HSD17B12: variants seen among roughly 807,000 people sequenced by gnomAD.
HSD17B12 encodes very-long-chain 3-oxoacyl-CoA reductase.
HSD17B12 carries 32 observed loss-of-function variants against 39.3 expected under a neutral mutation model. That is an observed-to-expected ratio of 0.81 (90% confidence interval 0.61 to 1.09). The LOEUF is 1.09. HSD17B12 is among the 50% of genes least tolerant of loss of function. The pLI is 0.00. For synonymous variants in HSD17B12, 150 were observed against 146.7 expected, an observed-to-expected ratio of 1.02 and a Z score of -0.16; for missense variants, 342 against 382.9, an observed-to-expected ratio of 0.89 and a Z score of 0.89.
At chr11:43,778,083 G>A (rs1301398882) in intron 3 of HSD17B12, among the ~76,000 whole-genome samples, 6 of 151,930 alleles carry the variant, frequency 3.9e-5, no homozygotes, top group African/African-American at 7.3e-5. Flanking sequence ...TTGATAAACC[G>A]CTAGCAAGAC....
Position 43,831,047 on chromosome 11 carries a change from A to G in HSD17B12, c.536+37A>G. On this transcript the variant is annotated intron_variant, in intron 7 of 10. Transcript: ENST00000278353. The surrounding 1 kb of genome is among the most constrained non-coding windows in gnomAD (Gnocchi z 4.1). Reference sequence around the variant, plus strand: ...GCTCACATACAAACACTGTGGAAGCAGAGCTCATGATTATTTAGAGGGAGA... The same window carrying G: ...GCTCACATACAAACACTGTGGAAGCGGAGCTCATGATTATTTAGAGGGAGA... 6.4e-7 allele frequency: 1 copy of G among 1,574,268 alleles called. No individual in the cohort carries two copies. Among genetic ancestry groups the G allele is most frequent in the Non-Finnish European group, 8.7e-7 (1 of 1,154,912 alleles).
At chr11:43,688,639 AAG>A (rs1315828658) in intron 1 of HSD17B12, among the ~76,000 whole-genome samples, 2 of 152,226 alleles carry the variant, frequency 1.3e-5, no homozygotes, top group African/African-American at 4.8e-5. Flanking sequence ...GTCATTGTGG[AAG>A]AGAGGAAGGG....
At chr11:43,584,829 CCCATCACAGAGGTTACAAGGAAGG>C in the HSD17B12 span, among the ~76,000 whole-genome samples, 1 of 152,188 alleles carries the variant, frequency 6.6e-6, no homozygotes, top group Non-Finnish European at 1.5e-5. Flanking sequence ...AAGGAAGGCA[CCCATCACAGAGGTTACAAGGAAGG>C]ACACAGTACC....
intron 4 of HSD17B12, among the ~76,000 whole-genome samples, chr11:43,810,370 TATATATA>T (rs536368982): frequency 2.7e-4 from 28 of 104,834 alleles, no homozygotes; most frequent in African/African-American, 9.0e-4. Context: ...TTAGAAATTA[TATATATA>T]TATATATATA....
chr11:43,608,918 A>G, the HSD17B12 span, among the ~76,000 whole-genome samples: 4 of 152,186 alleles, frequency 2.6e-5, no homozygotes, highest in Admixed American at 6.5e-5. Flanking sequence ...TTGAGAAAAC[A>G]TATGCACAAC....
intron 1 of HSD17B12, chr11:43,733,890 A>G: frequency 1.5e-6 from 1 of 683,014 alleles, no homozygotes; most frequent in South Asian, 1.4e-5. Flanking sequence ...AATTCCATGG[A>G]GTACAGGACA....
intron 3 of HSD17B12, among the ~76,000 whole-genome samples, chr11:43,787,834 T>C (rs1249530980): frequency 6.6e-6 from 1 of 152,094 alleles, no homozygotes; most frequent in African/African-American, 2.4e-5. Flanking sequence ...CAAAGTTCCC[T>C]TTTTAAAGAA....
At chr11:43,838,449 T>G (rs1565108014) in intron 8 of HSD17B12, 51 bp downstream of exon 8, 1 of 1,313,372 alleles carries the variant, frequency 7.6e-7, no homozygotes, top group Non-Finnish European at 1.1e-6. Context: ...GGGGTAATTT[T>G]TAGTCTGAGA....
At chr11:43,621,345 T>G in the HSD17B12 span, among the ~76,000 whole-genome samples, 2 of 152,184 alleles carry the variant, frequency 1.3e-5, no homozygotes, top group South Asian at 4.1e-4. Context: ...AAACCCATGC[T>G]GTGGTTACCA....
intron 4 of HSD17B12, among the ~76,000 whole-genome samples, chr11:43,809,222 T>G: frequency 6.6e-6 from 1 of 152,242 alleles, no homozygotes; most frequent in East Asian, 1.9e-4. Context: ...ATTAACATAT[T>G]ACTACGTCCC....
the HSD17B12 span, among the ~76,000 whole-genome samples, chr11:43,648,488 A>T: frequency 6.6e-6 from 1 of 152,132 alleles, no homozygotes; most frequent in Non-Finnish European, 1.5e-5. Context: ...GACAATGAAG[A>T]GAGATGCATG....
chr11:43,854,281 T>A (rs1951560793), intron 9 of HSD17B12: 1 of 154,952 alleles, frequency 6.5e-6, no homozygotes, highest in African/African-American at 2.4e-5. Context: ...TAGAACAAGC[T>A]TAATTAGCCA....
At chr11:43,595,800 A>G in the HSD17B12 span, among the ~76,000 whole-genome samples, 3 of 152,336 alleles carry the variant, frequency 2.0e-5, no homozygotes, top group East Asian at 5.8e-4. Flanking sequence ...TCCCCATTGT[A>G]CATGAAAACA....
chr11:43,812,320 A>G (rs1407443464), intron 4 of HSD17B12, among the ~76,000 whole-genome samples: 1 of 152,166 alleles, frequency 6.6e-6, no homozygotes, highest in Non-Finnish European at 1.5e-5. Context: ...TGGCTATACT[A>G]ATTTACATTC....
chr11:43,771,724 C>T (rs549898747), intron 3 of HSD17B12, among the ~76,000 whole-genome samples: 1 of 152,180 alleles, frequency 6.6e-6, no homozygotes, highest in East Asian at 1.9e-4. Context: ...ACCTCAGCCT[C>T]CCAAAGTGCT....
chr11:43,637,832 G>A, the HSD17B12 span, among the ~76,000 whole-genome samples: 1 of 152,166 alleles, frequency 6.6e-6, no homozygotes, highest in Non-Finnish European at 1.5e-5. Context: ...TCAATAATGT[G>A]TAAGAGAAAA....
At chr11:43,828,388 G>A (rs989777266) in intron 6 of HSD17B12, among the ~76,000 whole-genome samples, 7 of 127,296 alleles carry the variant, frequency 5.5e-5, no homozygotes, top group African/African-American at 1.5e-4. Context: ...GTGATCCGCC[G>A]CCTCGGCCTC....
intron 4 of HSD17B12, among the ~76,000 whole-genome samples, chr11:43,807,460 G>A (rs928866189): frequency 6.6e-6 from 1 of 152,174 alleles, no homozygotes; most frequent in Non-Finnish European, 1.5e-5. Context: ...TGGAGCAAGG[G>A]TTTCAAAGGG....
At chr11:43,574,347 G>A in the HSD17B12 span, among the ~76,000 whole-genome samples, 400 of 152,334 alleles carry the variant, frequency 2.6e-3, 1 homozygote, top group Admixed American at 2.9e-3. Flanking sequence ...TGCAGGGAAG[G>A]TCGATAATTA....
Sources: gnomAD v4.1 joint callset for allele counts (sites outside exome capture counted in the v4.1 genomes callset) on GRCh38, gnomAD v4.1.1 for gene constraint, Gnocchi (gnomAD v3.1) non-coding constraint, MANE v1.5 for transcripts, NCBI Gene and HGNC (gene_info 2026-07-23, HGNC 2026-07-21) for gene names.